The following NECAB2 variants were observed in gnomAD, a reference collection of about 807,000 sequenced individuals.
NECAB2 encodes the protein N-terminal EF-hand calcium binding protein 2.
A neutral mutation model predicts 51.9 loss-of-function variants in NECAB2; 68 were observed. The observed-to-expected ratio is 1.31, with a 90% confidence interval of 1.08 to 1.60. The LOEUF is 1.60. NECAB2 is among the 40% of genes most tolerant of loss of function. The pLI is 0.00. For synonymous variants in NECAB2, 329 were observed against 203.5 expected, an observed-to-expected ratio of 1.62 and a Z score of -5.25; for missense variants, 854 against 490.3, an observed-to-expected ratio of 1.74 and a Z score of -7.00.
intron 5 of NECAB2, among the ~76,000 whole-genome samples, chr16:83,984,847 A>C (rs147737527): frequency 9.1e-4 from 139 of 152,360 alleles, no homozygotes; most frequent in Non-Finnish European, 1.7e-3. Flanking sequence ...TGTTTCAAAT[A>C]ACAAGCTCCT....
At chr16:83,983,764 C>G (rs572872112) in intron 5 of NECAB2, among the ~76,000 whole-genome samples, 50 of 152,242 alleles carry the variant, frequency 3.3e-4, no homozygotes, top group African/African-American at 9.9e-4. Context: ...GAGTGGAGAT[C>G]GGATGATAGC....
At chr16:83,985,396 A>G (rs2084540691) in intron 5 of NECAB2, among the ~76,000 whole-genome samples, 1 of 137,866 alleles carries the variant, frequency 7.3e-6, no homozygotes, top group East Asian at 2.5e-4. Context: ...GCACTTTGGG[A>G]GGCCGAGGCA....
intron 2 of NECAB2, among the ~76,000 whole-genome samples, chr16:83,974,915 G>T (rs1269817809): frequency 7.2e-6 from 1 of 138,098 alleles, no homozygotes; most frequent in Admixed American, 6.9e-5. Flanking sequence ...GGGAGGCGTG[G>T]GTGCGGGGAT....
intron 10 of NECAB2, 64 bp from the exon 11 acceptor site, chr16:84,000,660 G>A: frequency 3.5e-6 from 5 of 1,437,736 alleles, no homozygotes; most frequent in East Asian, 2.3e-5. Flanking sequence ...CACCCCAGGG[G>A]AACAGCACTG....
intron 6 of NECAB2, among the ~76,000 whole-genome samples, chr16:83,992,484 C>G (rs1448645377): frequency 6.7e-6 from 1 of 150,254 alleles, no homozygotes; most frequent in South Asian, 2.1e-4. Flanking sequence ...AGAGAAAATG[C>G]AAACAGATGA....
At chr16:83,967,537 G>T (rs1477497732), upstream of NECAB2, among the ~76,000 whole-genome samples, 9 of 137,076 alleles carry the variant, frequency 6.6e-5, no homozygotes, top group Non-Finnish European at 9.5e-5. Flanking sequence ...GGATGGGAGG[G>T]AGGGAGGATA....
intron 1 of NECAB2, among the ~76,000 whole-genome samples, chr16:83,970,263 C>T (rs2084333902): frequency 6.6e-6 from 1 of 152,142 alleles, no homozygotes; most frequent in Non-Finnish European, 1.5e-5. Context: ...TACCAGGTGT[C>T]AGCCCTGCCA....
rs560587212 is a variant in NECAB2 at position 83,983,026 on chromosome 16, T to C, written c.459+1899T>C. 2.6e-5 allele frequency among the ~76,000 whole-genome samples: 4 copies of C among 151,778 alleles called. No individual in the cohort carries two copies. The South Asian group carries it at 8.4e-4, about 32-fold the overall frequency. ...TGGGACTACAGGCGCCCACCACCAC[T>C]CCTGGGTAATTTTTGTAGTTTTAGT... On this transcript the variant is annotated intron_variant, in intron 5 of 12. Coordinates refer to ENST00000305202, the MANE Select transcript of NECAB2 (RefSeq NM_019065.3).
At chr16:83,966,271 A>G (rs1423597943), upstream of NECAB2, 1 of 515,150 alleles carries the variant, frequency 1.9e-6, no homozygotes. Flanking sequence ...GCACCCAGCC[A>G]GGAGACCTGC....
chr16:83,998,080 A>C (rs751760074), intron 9 of NECAB2, 125 bp from the exon 10 acceptor site: 25 of 808,810 alleles, frequency 3.1e-5, no homozygotes, highest in Non-Finnish European at 4.3e-5. Flanking sequence ...TTCATGGGTA[A>C]GAATGAAAAG....
At chr16:83,995,395 A>C (rs766579618) in intron 8 of NECAB2, among the ~76,000 whole-genome samples, 8 of 152,116 alleles carry the variant, frequency 5.3e-5, no homozygotes, top group Non-Finnish European at 8.8e-5. Context: ...TAATCAAGAA[A>C]ATAACCTGGA....
intron 10 of NECAB2, 34 bp from the exon 11 acceptor site, chr16:84,000,673 GTGGCCTTGGTTGAGCTC>G (rs780462204): frequency 2.8e-5 from 43 of 1,550,966 alleles, no homozygotes; most frequent in Non-Finnish European, 3.8e-5. Flanking sequence ...CAGCACTGAG[GTGGCCTTGGTTGAGCTC>G]CAGCCTCCTC....
At position 84,001,838 on chromosome 16, in the gene NECAB2, C is replaced by G; in HGVS notation, c.1054C>G (p.Pro352Ala). ...CCTGCGTCACAGGCACCTGCAGAGC[C>G]CCCTGTGTAAGGCGTTCCGGCACGT... is the stretch of plus-strand genomic sequence containing the variant. Reference protein sequence around the residue: ...EEAWKRHLQSPLCKAFRHVKV... With the variant: ...EEAWKRHLQSALCKAFRHVKV... The change falls in exon 12 of 13, where the codon CCC becomes GCC. Residue 352 changes from proline to alanine, a missense_variant. Coordinates refer to ENST00000305202, the MANE Select transcript of NECAB2 (RefSeq NM_019065.3). 1 of 1,614,120 alleles carries G rather than the reference C, an allele frequency of 6.2e-7. No individual in the cohort carries two copies.
At chr16:83,981,646 C>G (rs1449482065) in intron 5 of NECAB2, among the ~76,000 whole-genome samples, 2 of 152,144 alleles carry the variant, frequency 1.3e-5, no homozygotes, top group African/African-American at 4.8e-5. Context: ...AACAGAGTCA[C>G]AGCCAGACAG....
chr16:84,001,975 C>T (rs2084846235), intron 12 of NECAB2, 59 bp downstream of exon 12: 1 of 1,554,654 alleles, frequency 6.4e-7, no homozygotes, highest in African/African-American at 1.4e-5. Flanking sequence ...GGGCAAGAGC[C>T]TAGAGGCTGC....
intron 5 of NECAB2, among the ~76,000 whole-genome samples, chr16:83,988,526 A>G (rs2084582730): frequency 6.6e-6 from 1 of 152,170 alleles, no homozygotes; most frequent in Non-Finnish European, 1.5e-5. Flanking sequence ...ATTAGTGGTT[A>G]ATGTTTTTAT....
intron 6 of NECAB2, among the ~76,000 whole-genome samples, chr16:83,992,016 C>T (rs572565470): frequency 6.6e-6 from 1 of 152,290 alleles, no homozygotes; most frequent in Admixed American, 6.5e-5. Flanking sequence ...GCACTCTCGG[C>T]ATCACATGCC....
intron 10 of NECAB2, 61 bp from the exon 11 acceptor site, chr16:84,000,663 C>G: frequency 6.9e-7 from 1 of 1,456,808 alleles, no homozygotes; most frequent in Non-Finnish European, 9.6e-7. Context: ...CCCAGGGGAA[C>G]AGCACTGAGG....
At chr16:83,976,230 G>A (rs868834714) in intron 2 of NECAB2, among the ~76,000 whole-genome samples, 1 of 152,172 alleles carries the variant, frequency 6.6e-6, no homozygotes, top group Non-Finnish European at 1.5e-5. Flanking sequence ...CTGGGTAGGT[G>A]GCGATGTCGC....
Sources: gnomAD v4.1 joint callset for allele counts (sites outside exome capture counted in the v4.1 genomes callset) on GRCh38, gnomAD v4.1.1 for gene constraint, MANE v1.5 for transcripts, NCBI Gene and HGNC (gene_info 2026-07-23, HGNC 2026-07-21) for gene names.